NCOA2: variants seen among roughly 807,000 people sequenced by gnomAD.
NCOA2 encodes nuclear receptor coactivator 2, also known as class E basic helix-loop-helix protein 75.
A neutral mutation model predicts 145.1 loss-of-function variants in NCOA2; 21 were observed. The ratio of observed to expected loss-of-function variants is 0.14; its 90% CI spans 0.10 to 0.21. The LOEUF is 0.21. Among genes scored for constraint, NCOA2 ranks in the 10% least tolerant of loss-of-function variants. The probability of loss-of-function intolerance (pLI) is 1.00; values close to 1 mark genes in which losing one functional copy is unlikely to be tolerated. For missense variants in NCOA2, 1,472 were observed against 1,837.6 expected, an observed-to-expected ratio of 0.80 and a Z score of 3.64; for synonymous variants, 619 against 637.5, an observed-to-expected ratio of 0.97 and a Z score of 0.44.
Position 70,159,566 on chromosome 8 carries a change from G to A in NCOA2, c.1063C>T (p.Leu355Phe). 6.2e-7 allele frequency: 1 copy of A among 1,612,534 alleles called. No individual in the cohort carries two copies. Among genetic ancestry groups the A allele is most frequent in the Non-Finnish European group, 8.5e-7 (1 of 1,178,696 alleles). Residue 355 changes from leucine to phenylalanine, a missense_variant, in exon 10 of 23, where the codon CTC becomes TTC. Around this residue, in one of 4 missense-constraint regions of NCOA2, gnomAD observed 284 missense variants for 467.8 expected, o/e 0.61. Coordinates refer to ENST00000452400, the MANE Select transcript of NCOA2 (RefSeq NM_006540.4). Reference protein sequence around the residue: ...TLVAAQTKSKLIRSQTTNEPQ... With the variant: ...TLVAAQTKSKFIRSQTTNEPQ... ...TCATTAGTAGTCTGAGAACGGATGAGTTTGCTCTTCGTTTGTGCAGCAACA... is the reference window on the plus strand; with the variant it reads ...TCATTAGTAGTCTGAGAACGGATGAATTTGCTCTTCGTTTGTGCAGCAACA...
At chr8:70,312,669 C>T (rs1270763996) in intron 1 of NCOA2, among the ~76,000 whole-genome samples, 2 of 152,042 alleles carry the variant, frequency 1.3e-5, no homozygotes, top group African/African-American at 4.8e-5. Flanking sequence ...CTCTAACATC[C>T]ACATTTTCAT....
chr8:70,431,653 G>A, the NCOA2 span, among the ~76,000 whole-genome samples: 1 of 152,024 alleles, frequency 6.6e-6, no homozygotes, highest in Admixed American at 6.5e-5. Flanking sequence ...TCGTTCTTTG[G>A]GCTATATGCA....
chr8:70,423,870 G>C, the NCOA2 span, among the ~76,000 whole-genome samples: 1 of 152,066 alleles, frequency 6.6e-6, no homozygotes, highest in Non-Finnish European at 1.5e-5. Context: ...GCCAGCACAG[G>C]GTCCCCGACA....
chr8:70,266,382 T>G (rs1824593641), intron 2 of NCOA2, among the ~76,000 whole-genome samples: 1 of 152,198 alleles, frequency 6.6e-6, no homozygotes, highest in South Asian at 2.1e-4. Context: ...ACTTGTTAGC[T>G]CCTGGAATTT....
chr8:70,426,742 A>G, the NCOA2 span, among the ~76,000 whole-genome samples: 1 of 152,242 alleles, frequency 6.6e-6, no homozygotes, highest in Non-Finnish European at 1.5e-5. Context: ...AAATGAATCA[A>G]TGAGTGAATG....
the NCOA2 span, among the ~76,000 whole-genome samples, chr8:70,421,761 A>T: frequency 1.4e-5 from 2 of 140,300 alleles, no homozygotes; most frequent in African/African-American, 5.4e-5. Flanking sequence ...GGCTTTTGGT[A>T]AAAAAAAAAA....
chr8:70,451,030 A>G, the NCOA2 span, among the ~76,000 whole-genome samples: 1 of 150,070 alleles, frequency 6.7e-6, no homozygotes, highest in African/African-American at 2.4e-5. Flanking sequence ...AGTCTGGGTA[A>G]CATGGTGAAA....
At chr8:70,345,823 T>A (rs1241817833) in intron 1 of NCOA2, among the ~76,000 whole-genome samples, 1 of 152,114 alleles carries the variant, frequency 6.6e-6, no homozygotes, top group African/African-American at 2.4e-5. Flanking sequence ...GTTCAGGCGG[T>A]CAGCTAGCAG....
chr8:70,283,242 C>T lies in NCOA2; in HGVS notation c.-20+13502G>A, dbSNP rs556882910. Among the ~76,000 whole-genome samples the T allele has an allele frequency of 1.1e-4, 17 of 152,314 alleles. No individual in the cohort carries two copies. The South Asian group carries it at 2.9e-3, about 26-fold the overall frequency. ...TAATGGGGAATTTAAACTTTGCCAT[C>T]GATAGGTGCGACTAGTTGTTCTTAG... On this transcript the variant is annotated intron_variant, in intron 2 of 22. Transcript: ENST00000452400.
the NCOA2 span, among the ~76,000 whole-genome samples, chr8:70,431,790 T>C: frequency 6.6e-6 from 1 of 152,226 alleles, no homozygotes; most frequent in East Asian, 1.9e-4. Context: ...AAATAGTCTA[T>C]TAGTTTCAAT....
chr8:70,386,900 T>C (rs2131546462), intron 1 of NCOA2, among the ~76,000 whole-genome samples: 1 of 151,824 alleles, frequency 6.6e-6, no homozygotes, highest in South Asian at 2.1e-4. Context: ...TTAAACTTCC[T>C]TTTTTAATAT....
At chr8:70,417,374 C>A in the NCOA2 span, among the ~76,000 whole-genome samples, 4 of 151,400 alleles carry the variant, frequency 2.6e-5, no homozygotes, top group African/African-American at 7.3e-5. Flanking sequence ...CACAGTGAAA[C>A]CCCATCTCTA....
intron 2 of NCOA2, among the ~76,000 whole-genome samples, chr8:70,264,671 G>C (rs1824417246): frequency 6.6e-6 from 1 of 152,046 alleles, no homozygotes; most frequent in South Asian, 2.1e-4. Flanking sequence ...ATCTATGTAA[G>C]GTATCATGAA....
chr8:70,199,352 G>A (rs562376373), intron 4 of NCOA2, among the ~76,000 whole-genome samples: 2 of 151,344 alleles, frequency 1.3e-5, no homozygotes, highest in Admixed American at 6.6e-5. Flanking sequence ...TCAGGAGGCT[G>A]AGGCAGGAGA....
chr8:70,362,822 A>T (rs927659247), intron 1 of NCOA2, among the ~76,000 whole-genome samples: 1 of 152,156 alleles, frequency 6.6e-6, no homozygotes, highest in Admixed American at 6.5e-5. Context: ...TCACACCTGA[A>T]ATCCCAGCAC....
At chr8:70,259,797 T>C (rs1188362627) in intron 2 of NCOA2, among the ~76,000 whole-genome samples, 3 of 152,232 alleles carry the variant, frequency 2.0e-5, no homozygotes, top group African/African-American at 7.2e-5. Flanking sequence ...CTAAATGTTA[T>C]TACAAACTTC....
At chr8:70,195,447 T>C (rs1817189206) in intron 4 of NCOA2, among the ~76,000 whole-genome samples, 1 of 152,192 alleles carries the variant, frequency 6.6e-6, no homozygotes, top group African/African-American at 2.4e-5. Context: ...CGTGGGGTCC[T>C]ATCTAGAACA....
intron 4 of NCOA2, among the ~76,000 whole-genome samples, chr8:70,192,031 GA>G (rs1816751695): frequency 6.6e-6 from 1 of 152,066 alleles, no homozygotes; most frequent in Middle Eastern, 3.2e-3. Flanking sequence ...GAGAGAGTGA[GA>G]ATCCGTCTCA....
At chr8:70,341,179 T>C (rs1808112420) in intron 1 of NCOA2, among the ~76,000 whole-genome samples, 1 of 151,072 alleles carries the variant, frequency 6.6e-6, no homozygotes, top group South Asian at 2.1e-4. Flanking sequence ...TTGCTTGAGG[T>C]CAGGAGTTCA....
Sources: allele counts gnomAD v4.1 joint callset (sites outside exome capture counted in the v4.1 genomes callset), GRCh38; gene constraint gnomAD v4.1.1; regional missense constraint gnomAD v4.1.1; transcripts MANE v1.5; gene names NCBI Gene and HGNC (gene_info 2026-07-23, HGNC 2026-07-21).